Variants in SMG6 observed in about 807,000 individuals in gnomAD.
SMG6 encodes telomerase-binding protein EST1A.
SMG6 carries 66 observed loss-of-function variants against 142.2 expected under a neutral mutation model. The observed-to-expected ratio is 0.46, with a 90% CI of 0.38 to 0.57. SMG6 has a LOEUF of 0.57. SMG6 is among the 20% of genes least tolerant of loss of function. The probability of loss-of-function intolerance (pLI) is 0.00; values close to 1 mark genes in which losing one functional copy is unlikely to be tolerated. For missense variants in SMG6, 1,793 were observed against 1,832.0 expected (o/e 0.98, Z 0.39); for synonymous variants, 779 against 702.4 (o/e 1.11, Z -1.72).
chr17:2,279,390 T>C (rs985588061), intron 8 of SMG6, among the ~76,000 whole-genome samples: 2 of 152,236 alleles, frequency 1.3e-5, no homozygotes, highest in Non-Finnish European at 2.9e-5. Flanking sequence ...TAGTGGACTA[T>C]GTCGAGGATT....
intron 8 of SMG6, among the ~76,000 whole-genome samples, chr17:2,254,022 C>G (rs188283857): frequency 6.6e-6 from 1 of 152,362 alleles, no homozygotes; most frequent in Non-Finnish European, 1.5e-5. Flanking sequence ...GTGTGACAAT[C>G]TGTAACAACC....
rs1168782261 is a variant in SMG6, at chr17:2,085,714, C to T, written c.3534+11G>A. 6.2e-7 allele frequency: 1 copy of T among 1,606,632 alleles called. No individual in the cohort carries two copies. The highest frequency in any genetic ancestry group is 8.5e-7 in the Non-Finnish European group (1 of 1,176,530). On this transcript the variant is annotated intron_variant, in intron 14 of 18. Coordinates refer to ENST00000263073, the MANE Select transcript of SMG6 (RefSeq NM_017575.5). The surrounding 1 kb of genome is among the most constrained non-coding windows in gnomAD (Gnocchi z 4.1). ...TTCCCTCTGCCACAGCGGGCTCTTC[C>T]CGCATAGTACCTCATCTTCCAGTCG... is the stretch of plus-strand genomic sequence containing the variant.
chr17:2,249,109 G>A (rs543035896), intron 8 of SMG6, among the ~76,000 whole-genome samples: 2 of 151,454 alleles, frequency 1.3e-5, no homozygotes, highest in Non-Finnish European at 2.9e-5. Context: ...TAGCCAGGAT[G>A]GTCTCAATCT....
intron 13 of SMG6, among the ~76,000 whole-genome samples, chr17:2,168,595 T>A (rs1422168549): frequency 6.6e-6 from 1 of 152,090 alleles, no homozygotes; most frequent in African/African-American, 2.4e-5. Context: ...AGCCTCAGTA[T>A]CCTCTTTTAC....
At position 2,061,573 on chromosome 17, in the gene SMG6, C is replaced by G; in HGVS notation, c.4179G>C (p.Arg1393=). 6.4e-7 allele frequency: 1 copy of G among 1,572,522 alleles called. No individual in the cohort carries two copies. ...TTGTGAGCGCCTTCACACGCAGGTT[C>G]CGGTCATCCGTCAACAGCACCACCT... ...LREVVLLTDD[R]NLRVKALTRN... The change falls in exon 19 of 19, where the codon CGG becomes CGC. Residue 1393 remains arginine, a synonymous_variant. Transcript: ENST00000263073.
chr17:2,293,029 C>A, intron 4 of SMG6, 52 bp from the exon 5 acceptor site: 1 of 1,264,688 alleles, frequency 7.9e-7, no homozygotes, highest in Non-Finnish European at 1.2e-6. Context: ...CTAACTTCAA[C>A]CCTCAAAGGA....
intron 8 of SMG6, among the ~76,000 whole-genome samples, chr17:2,280,174 T>C (rs1346859082): frequency 1.3e-5 from 2 of 152,092 alleles, no homozygotes; most frequent in African/African-American, 4.8e-5. Flanking sequence ...AAAAAGAATA[T>C]AGGAAGCTAA....
At chr17:2,211,205 T>C (rs929985468) in intron 10 of SMG6, among the ~76,000 whole-genome samples, 3 of 151,800 alleles carry the variant, frequency 2.0e-5, no homozygotes, top group Non-Finnish European at 4.4e-5. Flanking sequence ...TTAACAATCA[T>C]AAAAAATAAG....
At chr17:2,235,096 C>T (rs2073611952) in intron 10 of SMG6, among the ~76,000 whole-genome samples, 4 of 152,180 alleles carry the variant, frequency 2.6e-5, no homozygotes, top group Non-Finnish European at 5.9e-5. Context: ...GACTGTCCCT[C>T]CCCTTTGGGC....
intron 13 of SMG6, among the ~76,000 whole-genome samples, chr17:2,121,646 TA>T (rs2069705580): frequency 1.9e-5 from 2 of 104,362 alleles, no homozygotes; most frequent in African/African-American, 7.1e-5. Flanking sequence ...TGTGTGTGTG[TA>T]GAGAGAGAGA....
In SMG6 at chr17:2,217,812, G is replaced by A. The variant is rs571924765; in HGVS notation, c.2869+18680C>T. Among the ~76,000 whole-genome samples the A allele has an allele frequency of 4.0e-5, 6 of 151,586 alleles. No individual in the cohort carries two copies. In the East Asian group the frequency reaches 7.8e-4, roughly 20 times the overall value. On this transcript the variant is annotated intron_variant, in intron 10 of 18. Coordinates refer to ENST00000263073, the MANE Select transcript of SMG6 (RefSeq NM_017575.5). The stretch of plus-strand genomic sequence containing the variant: ...GATAACAAGGTCAGGAGATCGAGAC[G>A]ATCCTGGCCAACATGGTGAAACCCC...
intron 13 of SMG6, among the ~76,000 whole-genome samples, chr17:2,159,846 A>G (rs2071119717): frequency 6.6e-6 from 1 of 152,240 alleles, no homozygotes. Context: ...AAACGACTGA[A>G]AAAATATAAT....
chr17:2,135,278 G>T (rs1459172519), intron 13 of SMG6, among the ~76,000 whole-genome samples: 1 of 152,168 alleles, frequency 6.6e-6, no homozygotes, highest in Non-Finnish European at 1.5e-5. Context: ...AATCAAATTG[G>T]ACTATGTAAC....
chr17:2,223,654 G>A lies in SMG6; in HGVS notation c.2869+12838C>T, dbSNP rs535153275. 3.5e-4 allele frequency among the ~76,000 whole-genome samples: 53 copies of A among 152,132 alleles called. No homozygotes were observed. The South Asian group carries it at 5.4e-3, about 16-fold the overall frequency. On this transcript the variant is annotated intron_variant, in intron 10 of 18. Coordinates refer to ENST00000263073, the MANE Select transcript of SMG6 (RefSeq NM_017575.5). ...ACTCACATCTTTTTGTCAATAAATG[G>A]CTCCTATCACTTCAGCTGCAGCCTT...
chr17:2,126,265 A>G (rs2476355), intron 13 of SMG6, among the ~76,000 whole-genome samples: 52,881 of 151,900 alleles, frequency 0.35, 9,955 homozygotes, highest in African/African-American at 0.49. Flanking sequence ...AATGAAGCTG[A>G]ACCCTTACCT....
At chr17:2,063,502 C>T (rs953525298) in intron 18 of SMG6, among the ~76,000 whole-genome samples, 6 of 152,124 alleles carry the variant, frequency 3.9e-5, no homozygotes, top group African/African-American at 1.2e-4. Context: ...GGGGTGAAGT[C>T]GGGGGTGGGA....
intron 10 of SMG6, among the ~76,000 whole-genome samples, chr17:2,209,243 C>T (rs1204960479): frequency 6.6e-6 from 1 of 152,150 alleles, no homozygotes; most frequent in Non-Finnish European, 1.5e-5. Context: ...ATGGAGTCTC[C>T]CCTCTACTGC....
intron 8 of SMG6, among the ~76,000 whole-genome samples, chr17:2,279,638 G>C (rs1402707891): frequency 3.9e-5 from 6 of 152,142 alleles, no homozygotes; most frequent in Non-Finnish European, 1.5e-5. Flanking sequence ...GAGAGAAGTG[G>C]ATGGCTTCAA....
chr17:2,081,820 T>G lies in SMG6; in HGVS notation c.3671A>C (p.Glu1224Ala). The change falls in exon 15 of 19, where the codon GAA becomes GCA. Residue 1224 changes from glutamate to alanine, a missense_variant. By Grantham distance (107) the Glu-to-Ala change is moderately radical. This residue lies in a region of SMG6 where 1,597 missense variants were observed against 1,584.6 expected (regional missense o/e 1.01). Transcript: ENST00000263073. Reference protein sequence around the residue: ...RKIAEQQRRQEKIQAVLEDHS... With the variant: ...RKIAEQQRRQAKIQAVLEDHS... ...CCAGGCCGACTTCACCTGGATCTTT[T>G]CCTGGCGACGCTGCTGCTCAGCTAT... 6.2e-7 allele frequency: 1 copy of G among 1,613,574 alleles called. No individual in the cohort carries two copies. The highest frequency in any genetic ancestry group is 8.5e-7 in the Non-Finnish European group (1 of 1,180,038).
Sources: gnomAD v4.1 joint callset for allele counts (sites outside exome capture counted in the v4.1 genomes callset) on GRCh38, gnomAD v4.1.1 for gene constraint, gnomAD v4.1.1 regional missense constraint, Gnocchi (gnomAD v3.1) non-coding constraint, MANE v1.5 for transcripts, NCBI Gene and HGNC (gene_info 2026-07-23, HGNC 2026-07-21) for gene names.